Variants in ERC2 observed in about 807,000 individuals in gnomAD.
ERC2 encodes the protein ELKS/RAB6-interacting/CAST family member 2, also known as ERC protein 2.
In ERC2, 42 loss-of-function variants were observed where a neutral mutation model predicts 114.8. The ratio of observed to expected loss-of-function variants is 0.37; its 90% confidence interval spans 0.29 to 0.47. ERC2 has a LOEUF of 0.47. ERC2 is among the 20% of genes least tolerant of loss of function. ERC2 has a pLI of 0.99. For synonymous variants in ERC2, 454 were observed against 425.5 expected (o/e 1.07, Z -0.82); for missense variants, 939 against 1,150.7 (o/e 0.82, Z 2.66).
intron 2 of ERC2, among the ~76,000 whole-genome samples, chr3:56,426,651 A>G (rs2061580796): frequency 6.6e-6 from 1 of 152,186 alleles, no homozygotes; most frequent in Non-Finnish European, 1.5e-5. Context: ...GTGATCCACC[A>G]TGAGAAGATG....
chr3:55,708,814 T>C (rs1377548533), intron 15 of ERC2, among the ~76,000 whole-genome samples: 1 of 141,390 alleles, frequency 7.1e-6, no homozygotes, highest in Non-Finnish European at 1.5e-5. Flanking sequence ...TGGGAATAAA[T>C]AAAGGAAGGA....
chr3:56,172,437 G>A (rs908688720), intron 4 of ERC2, among the ~76,000 whole-genome samples: 37 of 152,150 alleles, frequency 2.4e-4, no homozygotes, highest in African/African-American at 8.4e-4. Context: ...TCAAGAGCTC[G>A]TATTAGTTTC....
chr3:55,888,341 A>G (rs1254197932), intron 14 of ERC2, 48 bp downstream of exon 14: 1 of 1,603,386 alleles, frequency 6.2e-7, no homozygotes, highest in East Asian at 2.2e-5. Context: ...TCCCACTCTC[A>G]AGAGAGGCTA....
At chr3:56,452,243 T>C (rs1175955087) in intron 1 of ERC2, among the ~76,000 whole-genome samples, 1 of 152,216 alleles carries the variant, frequency 6.6e-6, no homozygotes, top group Non-Finnish European at 1.5e-5. Flanking sequence ...ATCTAAAGGA[T>C]GTGTTCTCAC....
intron 17 of ERC2, among the ~76,000 whole-genome samples, chr3:55,527,567 C>T (rs772070180): frequency 5.3e-5 from 8 of 152,164 alleles, no homozygotes; most frequent in Non-Finnish European, 1.2e-4. Context: ...GTCATCTCCA[C>T]TTCTGATAAG....
At chr3:56,167,325 T>G (rs1340671913) in intron 4 of ERC2, among the ~76,000 whole-genome samples, 1 of 152,174 alleles carries the variant, frequency 6.6e-6, no homozygotes, top group African/African-American at 2.4e-5. Flanking sequence ...CAGTAAACAC[T>G]GGTGTTTATT....
At chr3:56,277,178 C>A (rs1156308441) in intron 3 of ERC2, among the ~76,000 whole-genome samples, 2 of 152,118 alleles carry the variant, frequency 1.3e-5, no homozygotes, top group African/African-American at 4.8e-5. Flanking sequence ...CCTTGATGGC[C>A]CTGTTTTCTG....
chr3:56,007,286 T>C lies in ERC2; in HGVS notation c.1956A>G (p.Ser652=). ...CCCTTTTCAGCCCCGCAGAGGCTAA[T>C]GAAGATGCATGTTCTTTGAGGTCAA... is the stretch of plus-strand genomic sequence containing the variant. ...SLIDLKEHAS[S]LASAGLKRDS... The change falls in exon 10 of 18, where the codon TCA becomes TCG. Residue 652 remains serine, a synonymous_variant. Transcript: ENST00000288221. 1 of 1,599,598 alleles carries C rather than the reference T, an allele frequency of 6.3e-7. No individual in the cohort carries two copies. Among genetic ancestry groups the C allele is most frequent in the Non-Finnish European group, 8.5e-7 (1 of 1,172,208 alleles).
intron 6 of ERC2, among the ~76,000 whole-genome samples, chr3:56,124,563 G>A (rs2079769235): frequency 6.6e-6 from 1 of 152,082 alleles, no homozygotes; most frequent in Non-Finnish European, 1.5e-5. Context: ...TACAGTAGCT[G>A]AAAGGAGGGA....
chr3:56,359,627 C>A (rs571757621), intron 2 of ERC2, among the ~76,000 whole-genome samples: 147 of 152,328 alleles, frequency 9.7e-4, no homozygotes, highest in African/African-American at 3.3e-3. Context: ...TAAAGTAATA[C>A]CTGAGACTGG....
chr3:55,548,913 A>G (rs1450327860), intron 17 of ERC2, among the ~76,000 whole-genome samples: 1 of 152,194 alleles, frequency 6.6e-6, no homozygotes, highest in African/African-American at 2.4e-5. Flanking sequence ...CAGCAGCCAG[A>G]TCCTTCATTT....
At chr3:55,771,521 C>T (rs1226114727) in intron 14 of ERC2, among the ~76,000 whole-genome samples, 1 of 152,170 alleles carries the variant, frequency 6.6e-6, no homozygotes, top group Non-Finnish European at 1.5e-5. Flanking sequence ...GTCTGTTTAT[C>T]TCCAAATCCC....
rs114495922 is a variant in ERC2 at position 55,992,584 on chromosome 3, C to A, written c.2062-334G>T. Among the ~76,000 whole-genome samples, 935 of 152,236 alleles carry A rather than the reference C, an allele frequency of 6.1e-3. 17 individuals carry two copies. Among genetic ancestry groups the A allele is most frequent in the African/African-American group, 0.022 (900 of 41,522 alleles). Reference sequence around the variant, plus strand: ...TATTCCCGGTCATTTGATAAGCAGACCTAAGACAATTCAACTCCTCACAGT... The same window carrying A: ...TATTCCCGGTCATTTGATAAGCAGAACTAAGACAATTCAACTCCTCACAGT... On this transcript the variant is annotated intron_variant, in intron 10 of 17. Transcript: ENST00000288221.
intron 17 of ERC2, among the ~76,000 whole-genome samples, chr3:55,551,063 G>C (rs1271592281): frequency 1.3e-5 from 2 of 151,390 alleles, no homozygotes; most frequent in Non-Finnish European, 2.9e-5. Context: ...AAGCCTCTGT[G>C]TTAGCCATGG....
At chr3:56,428,045 C>G (rs970045127) in intron 2 of ERC2, among the ~76,000 whole-genome samples, 1 of 152,066 alleles carries the variant, frequency 6.6e-6, no homozygotes, top group African/African-American at 2.4e-5. Flanking sequence ...GTTTCTTAGA[C>G]TTATAGTGGT....
At chr3:55,708,905 G>A (rs1217456434) in intron 15 of ERC2, among the ~76,000 whole-genome samples, 1 of 150,242 alleles carries the variant, frequency 6.7e-6, no homozygotes, top group East Asian at 1.9e-4. Context: ...AGAGAGGGAA[G>A]AGAAGACAAG....
intron 2 of ERC2, among the ~76,000 whole-genome samples, chr3:56,300,548 G>A (rs1027753448): frequency 1.5e-4 from 23 of 152,146 alleles, no homozygotes; most frequent in South Asian, 4.1e-4. Context: ...AAGAGAAACT[G>A]TAAAAGCAAA....
chr3:55,600,491 T>G (rs1258172039), intron 17 of ERC2, among the ~76,000 whole-genome samples: 1 of 152,204 alleles, frequency 6.6e-6, no homozygotes, highest in Non-Finnish European at 1.5e-5. Context: ...GGGGAAACAT[T>G]CACGTCTGCC....
At chr3:55,814,250 A>C (rs111448466) in intron 14 of ERC2, among the ~76,000 whole-genome samples, 2 of 152,162 alleles carry the variant, frequency 1.3e-5, no homozygotes, top group Admixed American at 6.5e-5. Flanking sequence ...GCATAATCCA[A>C]CCTTCAGGGT....
Sources: gnomAD v4.1 joint callset for allele counts (sites outside exome capture counted in the v4.1 genomes callset) on GRCh38, gnomAD v4.1.1 for gene constraint, MANE v1.5 for transcripts, NCBI Gene and HGNC (gene_info 2026-07-23, HGNC 2026-07-21) for gene names.